Variants in RASGRP1 observed in about 807,000 individuals in gnomAD.
RASGRP1 encodes the protein RAS guanyl releasing protein 1, also known as RAS guanyl-releasing protein 1.
RASGRP1 carries 37 observed loss-of-function variants against 95.1 expected under a neutral mutation model. That is an observed-to-expected ratio of 0.39 (90% CI 0.30 to 0.51). The LOEUF (loss-of-function observed/expected upper bound fraction) is 0.51, where lower values mean the gene tolerates loss of function less well. RASGRP1 is among the 20% of genes least tolerant of loss of function. RASGRP1 has a pLI of 0.80. For synonymous variants in RASGRP1, 325 were observed against 353.4 expected (o/e 0.92, Z 0.90); for missense variants, 711 against 965.4 (o/e 0.74, Z 3.49).
chr15:38,518,713 A>C (rs1891883840), intron 4 of RASGRP1, among the ~76,000 whole-genome samples: 2 of 152,200 alleles, frequency 1.3e-5, no homozygotes, highest in South Asian at 4.1e-4. Flanking sequence ...GATAATTATA[A>C]GGGAGAGAAC....
chr15:38,495,522 C>CT (rs1566908028), intron 15 of RASGRP1, among the ~76,000 whole-genome samples: 1 of 152,160 alleles, frequency 6.6e-6, no homozygotes, highest in Non-Finnish European at 1.5e-5. Context: ...ATTGGATAGT[C>CT]TGACTTTGAA....
intron 11 of RASGRP1, chr15:38,502,753 CTTT>C: frequency 4.0e-6 from 1 of 252,798 alleles, no homozygotes; most frequent in African/African-American, 2.2e-5. Flanking sequence ...GTTGTACCTT[CTTT>C]GAGAAGCTTC....
chr15:38,521,792 A>G (rs1054047178), intron 3 of RASGRP1, among the ~76,000 whole-genome samples: 2 of 152,144 alleles, frequency 1.3e-5, no homozygotes, highest in Admixed American at 1.3e-4. Flanking sequence ...TTTCAAATTT[A>G]TCCCTCTCTT....
At chr15:38,498,459 C>T (rs1881545819) in intron 15 of RASGRP1, among the ~76,000 whole-genome samples, 1 of 152,110 alleles carries the variant, frequency 6.6e-6, no homozygotes, top group Admixed American at 6.6e-5. Context: ...TTTCCCTAGT[C>T]ACTGTTTTGG....
chr15:38,512,271 A>G (rs564566100), intron 7 of RASGRP1, among the ~76,000 whole-genome samples: 106 of 152,324 alleles, frequency 7.0e-4, no homozygotes, highest in Non-Finnish European at 1.2e-3. Flanking sequence ...GCCAGTGCCT[A>G]TATAGGACAG....
chr15:38,501,648 G>A (rs892414206), intron 12 of RASGRP1, among the ~76,000 whole-genome samples: 3 of 152,264 alleles, frequency 2.0e-5, no homozygotes, highest in Middle Eastern at 3.4e-3. Flanking sequence ...TACCTAACTG[G>A]AACCCACTAA....
At chr15:38,547,974 GTT>G (rs773651084) in intron 2 of RASGRP1, among the ~76,000 whole-genome samples, 16 of 136,506 alleles carry the variant, frequency 1.2e-4, no homozygotes, top group East Asian at 2.1e-4. Context: ...AAGTTTCCAG[GTT>G]TTTTTTTTTT....
chr15:38,495,917 A>C (rs1033686332), intron 15 of RASGRP1, among the ~76,000 whole-genome samples: 4 of 152,202 alleles, frequency 2.6e-5, no homozygotes, highest in Non-Finnish European at 4.4e-5. Context: ...ATTTAGGTTG[A>C]ATTCCTAGAC....
chr15:38,500,339 G>T (rs1050052957), intron 13 of RASGRP1, among the ~76,000 whole-genome samples, 200 bp from the exon 14 acceptor site: 3 of 148,752 alleles, frequency 2.0e-5, no homozygotes, highest in Non-Finnish European at 4.5e-5. Flanking sequence ...CAAGAAGCAG[G>T]TTTTTTTTGT....
chr15:38,559,627 A>G (rs1211271997), intron 2 of RASGRP1, among the ~76,000 whole-genome samples, 194 bp downstream of exon 2: 1 of 152,168 alleles, frequency 6.6e-6, no homozygotes, highest in Non-Finnish European at 1.5e-5. Flanking sequence ...TTAAAATTGC[A>G]CTTCTCATCA....
In RASGRP1 at chr15:38,501,873, A is replaced by G. The variant is rs1459415126; in HGVS notation, c.1538+439T>C. On this transcript the variant is annotated intron_variant, in intron 12 of 16. Transcript: ENST00000310803. ...TCAGTTTTTGTTTTTTTTTTTTTTG[A>G]GACAGGTTTTTGCTCTTGTGGCCCA... Among the ~76,000 whole-genome samples, 52 of 132,066 alleles carry G rather than the reference A, an allele frequency of 3.9e-4. No homozygotes were observed. The East Asian group carries it at 8.4e-3, about 21-fold the overall frequency. 86.6% of individuals were successfully genotyped at this position (132,066 alleles called of 152,430 possible). A position where few individuals can be genotyped will look rare whatever the true frequency, so the allele number is the denominator to read the frequency against.
intron 4 of RASGRP1, 50 bp from the exon 5 acceptor site, chr15:38,518,473 C>T (rs370316285): frequency 7.7e-6 from 12 of 1,564,252 alleles, no homozygotes; most frequent in Non-Finnish European, 1.0e-5. Context: ...ACCAAGGACT[C>T]ACAATTTGTT....
At chr15:38,501,459 T>C (rs755131415) in intron 12 of RASGRP1, 172 bp from the exon 13 acceptor site, 10 of 820,142 alleles carry the variant, frequency 1.2e-5, no homozygotes, top group Non-Finnish European at 6.1e-6. Flanking sequence ...GGATACAAGA[T>C]GACATGTGGT....
At chr15:38,549,341 T>C (rs1197045052) in intron 2 of RASGRP1, among the ~76,000 whole-genome samples, 1 of 152,210 alleles carries the variant, frequency 6.6e-6, no homozygotes, top group Non-Finnish European at 1.5e-5. Flanking sequence ...TTAAGGATGT[T>C]CCATAGTCTA....
At chr15:38,552,390 T>C (rs1330608418) in intron 2 of RASGRP1, among the ~76,000 whole-genome samples, 2 of 152,204 alleles carry the variant, frequency 1.3e-5, no homozygotes, top group African/African-American at 4.8e-5. Context: ...GCACCCTCTG[T>C]ATCTGGGAAA....
Position 38,490,582 on chromosome 15 carries a change from G to A in RASGRP1, c.2366C>T (p.Ala789Val). 1 of 1,611,218 alleles carries A rather than the reference G, an allele frequency of 6.2e-7. No homozygotes were observed. The highest frequency in any genetic ancestry group is 8.5e-7 in the Non-Finnish European group (1 of 1,178,132). ...LQLEKSNHVL[A>V]QMEQGDCS ...AGAACAGTCACCCTGCTCCATTTGAGCTAAGACATGATTGCTTTTTTCAAG... is the reference window on the plus strand; with the variant it reads ...AGAACAGTCACCCTGCTCCATTTGAACTAAGACATGATTGCTTTTTTCAAG... The change falls in exon 17 of 17, where the codon GCT becomes GTT. Residue 789 changes from alanine to valine, a missense_variant. Ala to Val is a moderately conservative substitution (Grantham distance 64). Transcript: ENST00000310803.
intron 3 of RASGRP1, among the ~76,000 whole-genome samples, chr15:38,521,856 A>G (rs988457204): frequency 3.3e-5 from 5 of 152,130 alleles, no homozygotes; most frequent in Admixed American, 1.3e-4. Context: ...TAAAAATTCT[A>G]TTACTTCCAG....
At chr15:38,501,313 A>G (rs1342388936) in intron 12 of RASGRP1, 26 bp from the exon 13 acceptor site, 1 of 1,612,972 alleles carries the variant, frequency 6.2e-7, no homozygotes, top group Non-Finnish European at 8.5e-7. Context: ...CAAGGCAAGG[A>G]TGTGAGTATA....
chr15:38,494,653 C>T lies in RASGRP1; in HGVS notation c.1988G>A (p.Arg663Gln), dbSNP rs144303289. The T allele has an allele frequency of 1.9e-5, 29 of 1,548,704 alleles. No individual in the cohort carries two copies. Among genetic ancestry groups the T allele is most frequent in the Admixed American group, 6.5e-5 (3 of 45,966 alleles). The change falls in exon 16 of 17, where the codon CGG becomes CAG. Residue 663 changes from arginine (R) to glutamine (Q), a missense_variant. Arg to Gln is a conservative substitution (Grantham distance 43). Coordinates refer to ENST00000310803, the MANE Select transcript of RASGRP1 (RefSeq NM_005739.4). The stretch of plus-strand genomic sequence containing the variant: ...CTTGTGGGCAACAGCCCTCTTCAGC[C>T]GAAGAGAAATCTTCTGTGAGGACAC... ...MGVSSQKISL[R>Q]LKRAVAHKAT...
Sources: gnomAD v4.1 joint callset for allele counts (sites outside exome capture counted in the v4.1 genomes callset) on GRCh38, gnomAD v4.1.1 for gene constraint, MANE v1.5 for transcripts, NCBI Gene and HGNC (gene_info 2026-07-23, HGNC 2026-07-21) for gene names.